Variants in OR9Q1 observed in about 807,000 individuals in gnomAD.
OR9Q1 encodes olfactory receptor family 9 subfamily Q member 1.
For missense variants in OR9Q1, 374 were observed against 378.8 expected (o/e 0.99, Z 0.11); for synonymous variants, 153 against 148.6 (o/e 1.03, Z -0.22).
chr11:58,076,587 G>A (rs1853541153), intron 2 of OR9Q1, among the ~76,000 whole-genome samples: 1 of 152,112 alleles, frequency 6.6e-6, no homozygotes, highest in Non-Finnish European at 1.5e-5. Context: ...ATATTCTAAA[G>A]GTGAGATAAT....
chr11:58,124,200 AC>A (rs2120147637), intron 2 of OR9Q1, among the ~76,000 whole-genome samples: 1 of 152,292 alleles, frequency 6.6e-6, no homozygotes, highest in African/African-American at 2.4e-5. Flanking sequence ...GTAGAGAGAA[AC>A]AACCAACTCC....
At chr11:58,081,793 C>CTTTTTTTTTTTT (rs201892501) in intron 2 of OR9Q1, among the ~76,000 whole-genome samples, 1 of 128,140 alleles carries the variant, frequency 7.8e-6, no homozygotes, top group Non-Finnish European at 1.6e-5. Flanking sequence ...ATGATAGTTT[C>CTTTTTTTTTTTT]TTTTTTTTTT....
Position 58,180,631 on chromosome 11 carries a change from A to T in OR9Q1, c.*254A>T, listed in dbSNP as rs1407777566. 2.9e-6 allele frequency: 1 copy of T among 347,730 alleles called. No homozygotes were observed. The highest frequency in any genetic ancestry group is 4.3e-5 in the Admixed American group (1 of 23,372). 21.5% of individuals were successfully genotyped at this position (347,730 alleles called of 1,614,324 possible). A position where few individuals can be genotyped will look rare whatever the true frequency, so the allele number is the denominator to read the frequency against. On this transcript the variant is annotated 3_prime_UTR_variant, in exon 3 of 3. Coordinates refer to ENST00000335397, the MANE Select transcript of OR9Q1 (RefSeq NM_001005212.4). ...TTGAAATTAAAGCCTGTGCAATCCAAATATGGCACACTTCACCTGTCTGTG... is the reference window on the plus strand; with the variant it reads ...TTGAAATTAAAGCCTGTGCAATCCATATATGGCACACTTCACCTGTCTGTG...
At chr11:58,172,181 A>G (rs2119950782) in intron 2 of OR9Q1, among the ~76,000 whole-genome samples, 1 of 152,222 alleles carries the variant, frequency 6.6e-6, no homozygotes, top group South Asian at 2.1e-4. Context: ...ATGATTTGTA[A>G]TTTTGTCCTT....
In OR9Q1 at chr11:58,180,674, T is replaced by G. The variant is rs1372954458; in HGVS notation, c.*297T>G. 1 of 239,442 alleles carries G rather than the reference T, an allele frequency of 4.2e-6. No individual in the cohort carries two copies. Among genetic ancestry groups the G allele is most frequent in the Non-Finnish European group, 8.7e-6 (1 of 115,140 alleles). 14.8% of individuals were successfully genotyped at this position (239,442 alleles called of 1,614,324 possible). A position where few individuals can be genotyped will look rare whatever the true frequency, so the allele number is the denominator to read the frequency against. The stretch of plus-strand genomic sequence containing the variant: ...TGTCTGTGATTATAAGAGTAATTTT[T>G]TTTGCAAAATTTTTAATGAAAGATT... On this transcript the variant is annotated 3_prime_UTR_variant, in exon 3 of 3. Transcript: ENST00000335397.
chr11:58,078,673 ATTATT>A (rs1401635145), intron 2 of OR9Q1: 1 of 152,178 alleles, frequency 6.6e-6, no homozygotes, highest in Non-Finnish European at 1.5e-5. Context: ...TGGACAAGGT[ATTATT>A]CTTCTACAGT....
At chr11:58,063,804 AACAT>A (rs2120001946) in intron 2 of OR9Q1, among the ~76,000 whole-genome samples, 1 of 152,314 alleles carries the variant, frequency 6.6e-6, no homozygotes, top group East Asian at 1.9e-4. Context: ...TAATTTCATA[AACAT>A]TGCCTCCCTG....
At chr11:58,054,654 C>T (rs897581644) in intron 1 of OR9Q1, among the ~76,000 whole-genome samples, 1 of 152,200 alleles carries the variant, frequency 6.6e-6, no homozygotes, top group African/African-American at 2.4e-5. Flanking sequence ...TGCGTTGAGG[C>T]CAGGTGTGGC....
At chr11:58,099,647 T>C (rs892635900) in intron 2 of OR9Q1, among the ~76,000 whole-genome samples, 10 of 152,172 alleles carry the variant, frequency 6.6e-5, no homozygotes, top group African/African-American at 1.2e-4. Flanking sequence ...GTGGATCTTA[T>C]TTTTAATAGT....
chr11:58,139,429 C>A (rs2514194), intron 2 of OR9Q1, among the ~76,000 whole-genome samples: 19,317 of 151,876 alleles, frequency 0.13, 1,946 homozygotes, highest in African/African-American at 0.24. Context: ...GCTATCCCTC[C>A]CCGCTCCCCC....
chr11:58,149,895 G>A (rs1854333485), intron 2 of OR9Q1, among the ~76,000 whole-genome samples: 8 of 152,074 alleles, frequency 5.3e-5, no homozygotes, highest in Admixed American at 5.2e-4. Flanking sequence ...CTACATTTTG[G>A]CTATTGTGAA....
intron 2 of OR9Q1, among the ~76,000 whole-genome samples, chr11:58,138,923 C>CA (rs1854215183): frequency 1.3e-5 from 2 of 152,224 alleles, no homozygotes; most frequent in South Asian, 4.2e-4. Context: ...TTTCACCCCC[C>CA]AACCTCTGTA....
chr11:58,083,592 G>A (rs887674271), intron 2 of OR9Q1, among the ~76,000 whole-genome samples: 3 of 149,004 alleles, frequency 2.0e-5, no homozygotes, highest in African/African-American at 7.7e-5. Flanking sequence ...TTAAATTTAA[G>A]GTCTTACATT....
chr11:58,118,814 C>T lies in OR9Q1; in HGVS notation c.-14-60617C>T. On this transcript the variant is annotated intron_variant, in intron 2 of 2. Coordinates refer to ENST00000335397, the MANE Select transcript of OR9Q1 (RefSeq NM_001005212.4). ...AGATAGGAAATCAGGATGACGGAGG[C>T]ATTGGCCAAAATCACAAAATTGCCA... 2.5e-6 allele frequency: 4 copies of T among 1,614,032 alleles called. No individual in the cohort carries two copies. The highest frequency in any genetic ancestry group is 3.4e-6 in the Non-Finnish European group (4 of 1,179,980).
Position 58,179,561 on chromosome 11 carries a change from AT to A in OR9Q1, c.119del (p.Leu40TrpfsTer4), listed in dbSNP as rs747936878. On this transcript the variant is annotated frameshift_variant, in exon 3 of 3. Coordinates refer to ENST00000335397, the MANE Select transcript of OR9Q1 (RefSeq NM_001005212.4). LOFTEE classifies it low-confidence loss of function (END_TRUNC). ...LFLFMYLITVLGNLEMIILIL... is the reference protein window; with the variant it reads ...LFLFMYLITVXGNLEMIILIL... ...TTTTATTTATGTATCTCATCACCGT[AT>A]TGGGGAACTTAGAGATGATTATTCT... 4 of 1,613,482 alleles carry A rather than the reference AT, an allele frequency of 2.5e-6. No homozygotes were observed. The highest frequency in any genetic ancestry group is 1.3e-5 in the African/African-American group (1 of 74,904).
intron 2 of OR9Q1, among the ~76,000 whole-genome samples, chr11:58,135,846 T>C (rs940132223): frequency 6.6e-6 from 1 of 152,234 alleles, no homozygotes; most frequent in Non-Finnish European, 1.5e-5. Context: ...GTGTGTACTA[T>C]TATCAAGCTG....
chr11:58,157,128 C>A (rs1334564361), intron 2 of OR9Q1, among the ~76,000 whole-genome samples: 1 of 152,116 alleles, frequency 6.6e-6, no homozygotes, highest in African/African-American at 2.4e-5. Flanking sequence ...CTCTCCTTAG[C>A]CCTGCCCTGG....
intron 2 of OR9Q1, among the ~76,000 whole-genome samples, chr11:58,063,553 G>A (rs549352356): frequency 5.0e-4 from 76 of 152,216 alleles, no homozygotes; most frequent in African/African-American, 1.6e-3. Flanking sequence ...AAGAAAAAAA[G>A]CATGTGATAA....
intron 2 of OR9Q1, among the ~76,000 whole-genome samples, chr11:58,173,827 T>G (rs1854578716): frequency 1.3e-5 from 2 of 152,192 alleles, no homozygotes; most frequent in South Asian, 4.1e-4. Flanking sequence ...TTCTGCCTGT[T>G]CACCAATACA....
Sources: gnomAD v4.1 joint callset for allele counts (sites outside exome capture counted in the v4.1 genomes callset) on GRCh38, gnomAD v4.1.1 for gene constraint, MANE v1.5 for transcripts, NCBI Gene and HGNC (gene_info 2026-07-23, HGNC 2026-07-21) for gene names.